Variants in SDC1 observed in about 807,000 individuals in gnomAD.
SDC1 encodes the protein syndecan 1.
A neutral mutation model predicts 29.7 loss-of-function variants in SDC1; 14 were observed. That is an observed-to-expected ratio of 0.47 (90% confidence interval 0.31 to 0.74). The LOEUF (loss-of-function observed/expected upper bound fraction) is 0.74. Among genes scored for constraint, SDC1 ranks in the 30% least tolerant of loss-of-function variants. SDC1 has a pLI of 0.05. For missense variants in SDC1, 406 were observed against 400.3 expected (o/e 1.01, Z -0.12); for synonymous variants, 204 against 175.5 (o/e 1.16, Z -1.29).
chr2:20,216,825 C>A (rs1191800362), intron 1 of SDC1, among the ~76,000 whole-genome samples: 2 of 152,224 alleles, frequency 1.3e-5, no homozygotes, highest in African/African-American at 4.8e-5. Context: ...CCCTGGCAGA[C>A]GTGCAATCCT....
chr2:20,203,727 C>T (rs1677128589), intron 3 of SDC1, 86 bp downstream of exon 3: 8 of 1,014,208 alleles, frequency 7.9e-6, no homozygotes, highest in Non-Finnish European at 1.2e-5. Context: ...TACGAGATGC[C>T]CGCAGGGCAC....
chr2:20,202,165 T>G lies in SDC1; in HGVS notation c.*601A>C. 1 of 653,960 alleles carries G rather than the reference T, an allele frequency of 1.5e-6. No individual in the cohort carries two copies. Among genetic ancestry groups the G allele is most frequent in the South Asian group, 1.7e-5 (1 of 57,242 alleles). The allele number at this position is 653,960 out of a possible 1,614,324, so 40.5% of individuals were successfully genotyped here. A position where few individuals can be genotyped will look rare whatever the true frequency, so the allele number is the denominator to read the frequency against. On this transcript the variant is annotated 3_prime_UTR_variant, in exon 5 of 5. Transcript: ENST00000254351. The stretch of plus-strand genomic sequence containing the variant: ...CCGACCATAGATTAGGGAAGCAAGA[T>G]GGGGGGATACCGAATCAACTTACTT...
chr2:20,219,284 A>C (rs1558438215), intron 1 of SDC1, among the ~76,000 whole-genome samples: 1 of 152,016 alleles, frequency 6.6e-6, no homozygotes, highest in Admixed American at 6.6e-5. Context: ...GACCCGGTGC[A>C]CCTGTCTCAG....
Position 20,216,941 on chromosome 2 carries a change from T to C in SDC1, c.66+7861A>G, listed in dbSNP as rs538101871. Among the ~76,000 whole-genome samples the C allele has an allele frequency of 2.6e-5, 4 of 152,166 alleles. No individual in the cohort carries two copies. The South Asian group carries it at 6.2e-4, about 24-fold the overall frequency. ...AGGCAGCCCCACGTGGAAATGACTA[T>C]GAACTCAAGCTCACGCCACCGTGGG... On this transcript the variant is annotated intron_variant, in intron 1 of 4. Coordinates refer to ENST00000254351, the MANE Select transcript of SDC1 (RefSeq NM_002997.5).
chr2:20,205,428 G>T lies in SDC1; in HGVS notation c.67-4C>A, dbSNP rs995542566. 1 of 1,612,954 alleles carries T rather than the reference G, an allele frequency of 6.2e-7. No homozygotes were observed. The highest frequency in any genetic ancestry group is 8.5e-7 in the Non-Finnish European group (1 of 1,179,120). On this transcript the variant is annotated splice_polypyrimidine_tract_variant and splice_region_variant and intron_variant, in intron 1 of 4. Transcript: ENST00000254351. ...GCAAATTAGTAGCCACAATTTGCTG[G>T]AAAAGGATCAGAATATGGTATGAGT...
intron 1 of SDC1, among the ~76,000 whole-genome samples, chr2:20,217,226 C>T (rs1375333508): frequency 6.6e-6 from 1 of 152,218 alleles, no homozygotes; most frequent in Non-Finnish European, 1.5e-5. Flanking sequence ...TCGCGAATCC[C>T]GTTCATTGTC....
At chr2:20,216,825 C>T (rs1191800362) in intron 1 of SDC1, among the ~76,000 whole-genome samples, 2 of 152,224 alleles carry the variant, frequency 1.3e-5, no homozygotes, top group South Asian at 4.1e-4. Context: ...CCCTGGCAGA[C>T]GTGCAATCCT....
intron 1 of SDC1, chr2:20,223,333 C>A: frequency 7.8e-7 from 1 of 1,277,102 alleles, no homozygotes; most frequent in Admixed American, 2.3e-5. Flanking sequence ...CTACACGAGG[C>A]AACGCTTACG....
rs1005547021 is a variant in SDC1, at chr2:20,220,069, T to C, written c.66+4733A>G. Among the ~76,000 whole-genome samples the C allele has an allele frequency of 9.2e-5, 14 of 152,330 alleles. No individual in the cohort carries two copies. In the East Asian group the frequency reaches 2.7e-3, roughly 29 times the overall value. On this transcript the variant is annotated intron_variant, in intron 1 of 4. Transcript: ENST00000254351. ...CAGGCCCCTCCACACCCAGTCCACATGGTTCCCACCCTGCTCTCTCAGGTC... is the reference window on the plus strand; with the variant it reads ...CAGGCCCCTCCACACCCAGTCCACACGGTTCCCACCCTGCTCTCTCAGGTC...
At position 20,219,178 on chromosome 2, in the gene SDC1, C is replaced by T. The variant is rs539700787; in HGVS notation, c.66+5624G>A. On this transcript the variant is annotated intron_variant, in intron 1 of 4. Transcript: ENST00000254351. ...CCCCCTTGCCCCATAAGCTTGCCCC[C>T]ACCCTTACAGGCCCTGCCAAAAAGC... Among the ~76,000 whole-genome samples, 15 of 152,260 alleles carry T rather than the reference C, an allele frequency of 9.9e-5. No homozygotes were observed. In the South Asian group the frequency reaches 2.7e-3, roughly 27 times the overall value.
chr2:20,210,053 G>A (rs1197858935), intron 1 of SDC1, among the ~76,000 whole-genome samples: 1 of 152,214 alleles, frequency 6.6e-6, no homozygotes, highest in Non-Finnish European at 1.5e-5. Context: ...CCCTTAAAAA[G>A]CATTACTACT....
At chr2:20,217,821 C>T (rs925876222) in intron 1 of SDC1, among the ~76,000 whole-genome samples, 4 of 152,304 alleles carry the variant, frequency 2.6e-5, no homozygotes, top group Admixed American at 2.6e-4. Context: ...ATTCCTGCTG[C>T]TGAGCGGACC....
At position 20,201,051 on chromosome 2, in the gene SDC1, CGTT is replaced by C. The variant is rs1676989370; in HGVS notation, c.*1712_*1714del. ...GGAGTGGCCAACGGAGTCGCTGAAA[CGTT>C]GTCAAATAAGCAAGTAAGTGCAGGA... On this transcript the variant is annotated 3_prime_UTR_variant, in exon 5 of 5. Coordinates refer to ENST00000254351, the MANE Select transcript of SDC1 (RefSeq NM_002997.5). 2.0e-5 allele frequency: 3 copies of C among 152,356 alleles called. No individual in the cohort carries two copies. The highest frequency in any genetic ancestry group is 2.1e-4 in the South Asian group (1 of 4,828). The allele number at this position is 152,356 out of a possible 1,614,324, so 9.4% of individuals were successfully genotyped here.
intron 1 of SDC1, among the ~76,000 whole-genome samples, chr2:20,211,169 G>A (rs1677453157): frequency 6.6e-6 from 1 of 152,112 alleles, no homozygotes; most frequent in Non-Finnish European, 1.5e-5. Flanking sequence ...AGAATCACCA[G>A]GAGACCACTA....
chr2:20,222,304 C>A (rs147280593), intron 1 of SDC1, among the ~76,000 whole-genome samples: 1 of 152,290 alleles, frequency 6.6e-6, no homozygotes, highest in Non-Finnish European at 1.5e-5. Context: ...AGATCTCTGC[C>A]ACTTGCAAAT....
At chr2:20,203,761 A>G in intron 3 of SDC1, 52 bp downstream of exon 3, 16 of 1,318,486 alleles carry the variant, frequency 1.2e-5, no homozygotes, top group Non-Finnish European at 1.6e-5. Context: ...GCCAAGTGCC[A>G]GGCATTAGGA....
chr2:20,223,177 G>A (rs1558439695), intron 1 of SDC1: 6 of 1,164,098 alleles, frequency 5.2e-6, no homozygotes, highest in Admixed American at 2.3e-5. Flanking sequence ...CTCCTGGACC[G>A]GAAAATGTCT....
At chr2:20,222,868 G>A (rs1377442199) in intron 1 of SDC1, among the ~76,000 whole-genome samples, 1 of 152,190 alleles carries the variant, frequency 6.6e-6, no homozygotes, top group African/African-American at 2.4e-5. Flanking sequence ...CCGGAAATAG[G>A]TGGAGGACCC....
rs1338606043 is a variant in SDC1 at position 20,204,185 on chromosome 2, A to C, written c.255T>G (p.Ala85=). The change falls in exon 3 of 5, where the codon GCT becomes GCG. Residue 85 remains alanine (A), a synonymous_variant. Coordinates refer to ENST00000254351, the MANE Select transcript of SDC1 (RefSeq NM_002997.5). Reference sequence around the variant, plus strand: ...GCAGGGTGGAGGTGGAGGCAGCTGTAGCCTCCAGGCCGGTGGGTTCTGGAG... The same window carrying C: ...GCAGGGTGGAGGTGGAGGCAGCTGTCGCCTCCAGGCCGGTGGGTTCTGGAG... ...PTSPEPTGLE[A]TAASTSTLPA... 1.3e-6 allele frequency: 2 copies of C among 1,599,914 alleles called. No individual in the cohort carries two copies. The highest frequency in any genetic ancestry group is 1.7e-6 in the Non-Finnish European group (2 of 1,179,782).
Sources: allele counts gnomAD v4.1 joint callset (sites outside exome capture counted in the v4.1 genomes callset), GRCh38; gene constraint gnomAD v4.1.1; transcripts MANE v1.5; gene names NCBI Gene and HGNC (gene_info 2026-07-23, HGNC 2026-07-21).